Variants in DSCAML1 observed in about 807,000 individuals in gnomAD.
DSCAML1 encodes the protein DS cell adhesion molecule like 1.
Under a neutral mutation model 200.5 loss-of-function variants are expected in DSCAML1, and 38 were observed. The observed-to-expected ratio is 0.19, with a 90% CI of 0.15 to 0.25. The LOEUF is 0.25. Among genes scored for constraint, DSCAML1 ranks in the 10% least tolerant of loss-of-function variants. DSCAML1 has a pLI of 1.00. For missense variants in DSCAML1, 2,223 were observed against 2,858.8 expected (o/e 0.78, Z 5.07); for synonymous variants, 1,215 against 1,165.0 (o/e 1.04, Z -0.87).
intron 3 of DSCAML1, chr11:117,709,718 CA>C (rs759702330): frequency 4.4e-6 from 2 of 454,950 alleles, no homozygotes; most frequent in Non-Finnish European, 8.8e-6. Context: ...AAGGCTTCAT[CA>C]GGGGAAGCCA....
chr11:117,447,970 T>A (rs955015175), intron 20 of DSCAML1, among the ~76,000 whole-genome samples: 1 of 152,184 alleles, frequency 6.6e-6, no homozygotes, highest in Admixed American at 6.5e-5. Context: ...AAGTTCAGTT[T>A]CCCCCCAACC....
At chr11:117,481,297 GA>G (rs1328848065) in intron 12 of DSCAML1, 27 bp from the exon 13 acceptor site, 1 of 1,610,802 alleles carries the variant, frequency 6.2e-7, no homozygotes, top group Admixed American at 1.7e-5. Flanking sequence ...AGGGGCAGGA[GA>G]GGGAGTAAAC....
At chr11:117,745,703 C>G (rs1434787608) in intron 3 of DSCAML1, among the ~76,000 whole-genome samples, 1 of 152,166 alleles carries the variant, frequency 6.6e-6, no homozygotes, top group Non-Finnish European at 1.5e-5. Flanking sequence ...CTGCCTGCCT[C>G]GTTATGCTAC....
intron 3 of DSCAML1, among the ~76,000 whole-genome samples, chr11:117,646,463 C>G (rs572324353): frequency 6.6e-6 from 1 of 152,334 alleles, no homozygotes; most frequent in East Asian, 1.9e-4. Flanking sequence ...GAGTCCCTCG[C>G]TTCCTTCCCC....
chr11:117,803,258 C>T (rs1219473432), intron 1 of DSCAML1, among the ~76,000 whole-genome samples: 2 of 152,074 alleles, frequency 1.3e-5, no homozygotes, highest in Non-Finnish European at 2.9e-5. Context: ...CAGGTGCCTG[C>T]ACCAGGGGTG....
Position 117,718,635 on chromosome 11 carries a change from T to C in DSCAML1, c.511+58156A>G, listed in dbSNP as rs186413920. ...AAATATCGCTCCCAGTTTTTCTTTC[T>C]AAAAATACACACACACAAGATGAAT... On this transcript the variant is annotated intron_variant, in intron 3 of 32. Transcript: ENST00000651296. 8.1e-5 allele frequency among the ~76,000 whole-genome samples: 10 copies of C among 122,708 alleles called. No individual in the cohort carries two copies. In the East Asian group the frequency reaches 1.8e-3, roughly 22 times the overall value. 80.5% of individuals were successfully genotyped at this position (122,708 alleles called of 152,430 possible).
intron 1 of DSCAML1, among the ~76,000 whole-genome samples, chr11:117,783,197 G>A (rs139359070): frequency 2.0e-5 from 3 of 152,320 alleles, no homozygotes; most frequent in African/African-American, 7.2e-5. Flanking sequence ...TTTGGGAACA[G>A]GGACATTGCT....
At chr11:117,700,733 G>T (rs761690073) in intron 3 of DSCAML1, among the ~76,000 whole-genome samples, 1 of 152,166 alleles carries the variant, frequency 6.6e-6, no homozygotes, top group Non-Finnish European at 1.5e-5. Flanking sequence ...CCAGATTCTC[G>T]CCCCCACACA....
At chr11:117,788,451 T>C (rs2055402780) in intron 1 of DSCAML1, among the ~76,000 whole-genome samples, 3 of 152,138 alleles carry the variant, frequency 2.0e-5, no homozygotes. Flanking sequence ...CTCAGTCTCC[T>C]GAGTAGCTGG....
intron 3 of DSCAML1, among the ~76,000 whole-genome samples, chr11:117,553,735 C>CA (rs959259138): frequency 1.3e-5 from 2 of 152,048 alleles, no homozygotes; most frequent in Admixed American, 6.6e-5. Context: ...GATGGCTCCT[C>CA]AAAAAAAATG....
chr11:117,450,858 G>C (rs1046449959), intron 19 of DSCAML1, among the ~76,000 whole-genome samples, 170 bp from the exon 20 acceptor site: 2 of 152,172 alleles, frequency 1.3e-5, no homozygotes, highest in African/African-American at 4.8e-5. Flanking sequence ...TAAACAGGTG[G>C]GAGGAGAAAA....
Position 117,589,535 on chromosome 11 carries a change from T to A in DSCAML1, c.512-57013A>T, listed in dbSNP as rs549811600. Among the ~76,000 whole-genome samples, 12 of 152,360 alleles carry A rather than the reference T, an allele frequency of 7.9e-5. No homozygotes were observed. In the South Asian group the frequency reaches 2.3e-3, roughly 29 times the overall value. ...TAAAGGAAATGATGCAGGAGAGCTC[T>A]CTGCGTCTTCGTATGCACCAGGGAT... On this transcript the variant is annotated intron_variant, in intron 3 of 32. Coordinates refer to ENST00000651296, the MANE Select transcript of DSCAML1 (RefSeq NM_020693.4).
chr11:117,450,812 G>C, intron 19 of DSCAML1, 124 bp from the exon 20 acceptor site: 1 of 1,196,758 alleles, frequency 8.4e-7, no homozygotes, highest in South Asian at 1.6e-5. Context: ...GCATCCTTGA[G>C]CTGTGGTTTA....
intron 3 of DSCAML1, among the ~76,000 whole-genome samples, chr11:117,768,936 C>T (rs1307478401): frequency 3.3e-5 from 5 of 150,412 alleles, no homozygotes; most frequent in East Asian, 3.9e-4. Flanking sequence ...ATTAGCCAGG[C>T]GTGGTGGTGT....
intron 3 of DSCAML1, among the ~76,000 whole-genome samples, chr11:117,767,090 T>C (rs1431497286): frequency 6.6e-6 from 1 of 152,152 alleles, no homozygotes; most frequent in Non-Finnish European, 1.5e-5. Flanking sequence ...TTCAGTAAGA[T>C]GATGCCGGTG....
chr11:117,796,438 G>A (rs1159941364), intron 1 of DSCAML1, among the ~76,000 whole-genome samples: 1 of 152,238 alleles, frequency 6.6e-6, no homozygotes, highest in Admixed American at 6.5e-5. Context: ...TCTGGGTTTG[G>A]AGAACAAACT....
chr11:117,453,319 T>C (rs1003127609), intron 19 of DSCAML1, among the ~76,000 whole-genome samples: 2 of 151,550 alleles, frequency 1.3e-5, no homozygotes, highest in Non-Finnish European at 2.9e-5. Context: ...GATTTACCCA[T>C]ACATTCAGCA....
chr11:117,519,474 T>A (rs1028628109), intron 6 of DSCAML1, among the ~76,000 whole-genome samples: 31 of 152,222 alleles, frequency 2.0e-4, no homozygotes, highest in African/African-American at 7.2e-4. Flanking sequence ...TTATTAACCC[T>A]GGCCATCCTT....
chr11:117,589,227 C>T (rs756471663), intron 3 of DSCAML1, among the ~76,000 whole-genome samples: 3 of 152,190 alleles, frequency 2.0e-5, no homozygotes, highest in Non-Finnish European at 2.9e-5. Context: ...GCGACCGGAG[C>T]GGGCTCCTGC....
Sources: allele counts gnomAD v4.1 joint callset (sites outside exome capture counted in the v4.1 genomes callset), GRCh38; gene constraint gnomAD v4.1.1; transcripts MANE v1.5; gene names NCBI Gene and HGNC (gene_info 2026-07-23, HGNC 2026-07-21).